SHC4: variants seen among roughly 807,000 people sequenced by gnomAD.
The protein encoded by SHC4 is SHC-transforming protein 4.
Under a neutral mutation model 69.4 loss-of-function variants are expected in SHC4, and 41 were observed. The ratio of observed to expected loss-of-function variants is 0.59; its 90% CI spans 0.46 to 0.77. The LOEUF is 0.77. SHC4 is among the 30% of genes least tolerant of loss of function. SHC4 has a pLI of 0.00. For missense variants in SHC4, 777 were observed against 783.8 expected (o/e 0.99, Z 0.10); for synonymous variants, 318 against 299.3 (o/e 1.06, Z -0.64).
At chr15:48,877,511 T>G (rs1336098870) in intron 4 of SHC4, 1 of 984,582 alleles carries the variant, frequency 1.0e-6, no homozygotes. Flanking sequence ...AGTATTTTGC[T>G]GTCAATACAT....
intron 4 of SHC4, among the ~76,000 whole-genome samples, chr15:48,880,985 A>AGTGTGTGTGTGTGTGT (rs10523567): frequency 2.1e-5 from 3 of 145,974 alleles, no homozygotes; most frequent in Non-Finnish European, 4.5e-5. Context: ...TGTGTGTGAG[A>AGTGTGTGTGTGTGTGT]GTGTGTGTGT....
intron 1 of SHC4, among the ~76,000 whole-genome samples, chr15:48,930,379 A>G (rs2413923): frequency 0.2 from 30,721 of 152,252 alleles, 3,521 homozygotes; most frequent in East Asian, 0.54. Context: ...CTTTTTATAC[A>G]TGGCTTATTC....
rs1013003299 is a variant in SHC4 at position 48,825,131 on chromosome 15, T to C, written c.*840A>G. ...CTGGTTTTGTTTGCCCTCTTTTAAATCCATGCACTCATGAGGTTTTTTTTG... is the reference window on the plus strand; with the variant it reads ...CTGGTTTTGTTTGCCCTCTTTTAAACCCATGCACTCATGAGGTTTTTTTTG... On this transcript the variant is annotated 3_prime_UTR_variant, in exon 12 of 12. Transcript: ENST00000332408. The C allele has an allele frequency of 1.3e-5, 2 of 152,302 alleles. No homozygotes were observed. The highest frequency in any genetic ancestry group is 1.9e-4 in the East Asian group (1 of 5,184). 9.4% of individuals were successfully genotyped at this position (152,302 alleles called of 1,614,324 possible). A position where few individuals can be genotyped will look rare whatever the true frequency, so the allele number is the denominator to read the frequency against.
chr15:48,869,291 G>A (rs950853851), intron 5 of SHC4, among the ~76,000 whole-genome samples: 3 of 152,166 alleles, frequency 2.0e-5, no homozygotes, highest in Non-Finnish European at 4.4e-5. Context: ...TTTGCAAAGA[G>A]AGTAAAAATG....
At chr15:48,930,437 T>C (rs1210280279) in intron 1 of SHC4, among the ~76,000 whole-genome samples, 1 of 152,176 alleles carries the variant, frequency 6.6e-6, no homozygotes, top group Non-Finnish European at 1.5e-5. Context: ...TGGGAGAATA[T>C]TTTTCAAGAG....
intron 9 of SHC4, among the ~76,000 whole-genome samples, chr15:48,845,826 C>G (rs749020786): frequency 6.6e-6 from 1 of 152,108 alleles, no homozygotes; most frequent in South Asian, 2.1e-4. Context: ...TATTTATCAT[C>G]TACTCTAACT....
intron 1 of SHC4, among the ~76,000 whole-genome samples, chr15:48,935,430 G>A (rs963415877): frequency 2.6e-5 from 4 of 152,098 alleles, no homozygotes; most frequent in African/African-American, 7.2e-5. Flanking sequence ...TCATCATTAT[G>A]CCCAGCACCT....
intron 5 of SHC4, among the ~76,000 whole-genome samples, chr15:48,871,396 T>A (rs1899674856): frequency 6.6e-6 from 1 of 152,196 alleles, no homozygotes. Flanking sequence ...ACTCCCTCAG[T>A]TTAAACAGAT....
At chr15:48,827,019 C>A (rs1029463558) in intron 11 of SHC4, among the ~76,000 whole-genome samples, 2 of 152,160 alleles carry the variant, frequency 1.3e-5, no homozygotes, top group African/African-American at 4.8e-5. Flanking sequence ...TTCCTAGTAC[C>A]CTATGCATAG....
At chr15:48,953,538 T>C (rs1901398863) in intron 1 of SHC4, among the ~76,000 whole-genome samples, 1 of 152,204 alleles carries the variant, frequency 6.6e-6, no homozygotes, top group Non-Finnish European at 1.5e-5. Context: ...CCTCTCTTGG[T>C]GTCAGTTTCC....
intron 1 of SHC4, among the ~76,000 whole-genome samples, chr15:48,954,426 C>G (rs1403670138): frequency 6.6e-6 from 1 of 152,204 alleles, no homozygotes; most frequent in African/African-American, 2.4e-5. Context: ...CCAGTAAGTC[C>G]AAGCTAGAGA....
At chr15:48,844,935 T>G (rs912726446) in intron 9 of SHC4, among the ~76,000 whole-genome samples, 1 of 152,200 alleles carries the variant, frequency 6.6e-6, no homozygotes, top group African/African-American at 2.4e-5. Context: ...TACCCAGTCT[T>G]GGGTATGTCT....
chr15:48,896,714 G>A (rs1414620965), intron 2 of SHC4, among the ~76,000 whole-genome samples: 1 of 152,202 alleles, frequency 6.6e-6, no homozygotes, highest in African/African-American at 2.4e-5. Context: ...ACAGATCCCA[G>A]GTTAAGAAAT....
At chr15:48,914,165 A>G (rs886462048) in intron 2 of SHC4, among the ~76,000 whole-genome samples, 1 of 152,216 alleles carries the variant, frequency 6.6e-6, no homozygotes, top group Non-Finnish European at 1.5e-5. Context: ...CCGGCGCGAC[A>G]TTGTGCGTTT....
Position 48,856,126 on chromosome 15 carries a change from T to C in SHC4, c.1071-2A>G. The C allele has an allele frequency of 1.9e-6, 3 of 1,607,504 alleles. No individual in the cohort carries two copies. The highest frequency in any genetic ancestry group is 2.5e-6 in the Non-Finnish European group (3 of 1,177,126). ...TGGCTATCAATATGCACCTCCTCAC[T>C]GTGAAGGAAAAAAGAATCCTCAAGA... On this transcript the variant is annotated splice_acceptor_variant, in intron 7 of 11. Transcript: ENST00000332408. LOFTEE classifies it high-confidence loss of function.
intron 1 of SHC4, among the ~76,000 whole-genome samples, chr15:48,946,292 G>C (rs1177068854): frequency 6.6e-6 from 1 of 152,160 alleles, no homozygotes; most frequent in Non-Finnish European, 1.5e-5. Flanking sequence ...TAGCAGGTGA[G>C]CCACCTCAAA....
intron 1 of SHC4, among the ~76,000 whole-genome samples, chr15:48,949,468 T>A (rs1901331528): frequency 6.6e-6 from 1 of 152,080 alleles, no homozygotes; most frequent in Admixed American, 6.5e-5. Flanking sequence ...CATCATTGCC[T>A]GTATCAAGAC....
intron 3 of SHC4, 64 bp downstream of exon 3, chr15:48,890,684 G>A (rs935168170): frequency 1.3e-6 from 2 of 1,589,074 alleles, no homozygotes; most frequent in African/African-American, 1.3e-5. Context: ...AACGAACAGC[G>A]ATTTTCATAC....
At chr15:48,936,997 A>C (rs1901083614) in intron 1 of SHC4, among the ~76,000 whole-genome samples, 1 of 152,204 alleles carries the variant, frequency 6.6e-6, no homozygotes, top group Non-Finnish European at 1.5e-5. Context: ...AACTATACTG[A>C]TAGCATTTGG....
Sources: gnomAD v4.1 joint callset for allele counts (sites outside exome capture counted in the v4.1 genomes callset) on GRCh38, gnomAD v4.1.1 for gene constraint, MANE v1.5 for transcripts, NCBI Gene and HGNC (gene_info 2026-07-23, HGNC 2026-07-21) for gene names.